Variants in C7orf78 observed in about 807,000 individuals in gnomAD.
C7orf78 encodes putative uncharacterized protein C7orf78.
chr7:12,507,288 C>T, the C7orf78 span: 1 of 113,758 alleles, frequency 8.8e-6, no homozygotes, highest in African/African-American at 3.6e-5. Context: ...AGCCTGGTGA[C>T]AGAATGAGAC....
the C7orf78 span, among the ~76,000 whole-genome samples, chr7:12,490,878 G>A: frequency 8.6e-5 from 13 of 151,924 alleles, no homozygotes; most frequent in African/African-American, 2.4e-4. Context: ...CTTCAGATTT[G>A]CATTGCTCCA....
chr7:12,515,592 G>A, the C7orf78 span, among the ~76,000 whole-genome samples: 1 of 150,370 alleles, frequency 6.7e-6, no homozygotes, highest in Non-Finnish European at 1.5e-5. Context: ...GGAGGGTTTC[G>A]AAGAAGGCAG....
At chr7:12,541,481 C>A in the C7orf78 span, 1 of 152,078 alleles carries the variant, frequency 6.6e-6, no homozygotes, top group Admixed American at 6.6e-5. Flanking sequence ...GAATTGAAGT[C>A]ACTGAAATAT....
the C7orf78 span, among the ~76,000 whole-genome samples, chr7:12,529,837 C>A: frequency 6.6e-6 from 1 of 152,210 alleles, no homozygotes; most frequent in Non-Finnish European, 1.5e-5. Flanking sequence ...AGTACAGCAG[C>A]AGAGGTACTG....
the C7orf78 span, among the ~76,000 whole-genome samples, chr7:12,532,099 G>C: frequency 6.6e-6 from 1 of 152,204 alleles, no homozygotes; most frequent in Non-Finnish European, 1.5e-5. Flanking sequence ...GGGAAGGGAA[G>C]ATGGAGCCGC....
At chr7:12,502,620 T>C in the C7orf78 span, among the ~76,000 whole-genome samples, 2 of 151,810 alleles carry the variant, frequency 1.3e-5, no homozygotes, top group African/African-American at 4.8e-5. Flanking sequence ...TAGGAACACT[T>C]TTACATTGTT....
chr7:12,489,893 G>T, the C7orf78 span, among the ~76,000 whole-genome samples: 5 of 152,124 alleles, frequency 3.3e-5, no homozygotes, highest in Admixed American at 6.6e-5. Context: ...GCTTTCAATA[G>T]CTAGTGGATG....
At chr7:12,497,377 G>A in the C7orf78 span, among the ~76,000 whole-genome samples, 22 of 152,366 alleles carry the variant, frequency 1.4e-4, no homozygotes, top group East Asian at 4.1e-3. Flanking sequence ...CACACCGTGC[G>A]CGAGCAGAAG....
At chr7:12,487,345 T>C in the C7orf78 span, among the ~76,000 whole-genome samples, 1 of 152,000 alleles carries the variant, frequency 6.6e-6, no homozygotes, top group African/African-American at 2.4e-5. Flanking sequence ...CCTATTAGAA[T>C]ACTGAAATAA....
At chr7:12,491,330 A>C in the C7orf78 span, 1 of 152,162 alleles carries the variant, frequency 6.6e-6, no homozygotes, top group Non-Finnish European at 1.5e-5. Context: ...CTTTACGTCA[A>C]AATAATTTAT....
chr7:12,532,737 GCTT>G, the C7orf78 span, among the ~76,000 whole-genome samples: 2 of 152,002 alleles, frequency 1.3e-5, no homozygotes, highest in Admixed American at 6.6e-5. Flanking sequence ...TCAAAACTAT[GCTT>G]TTTTTGCATA....
chr7:12,486,241 C>A, the C7orf78 span, among the ~76,000 whole-genome samples: 1 of 152,022 alleles, frequency 6.6e-6, no homozygotes, highest in South Asian at 2.1e-4. Context: ...TGTAATAGAA[C>A]TCCATTCCAT....
chr7:12,518,175 G>C, the C7orf78 span, among the ~76,000 whole-genome samples: 1 of 152,180 alleles, frequency 6.6e-6, no homozygotes, highest in African/African-American at 2.4e-5. Flanking sequence ...GTGGCTTAGG[G>C]TCATTAGTGG....
the C7orf78 span, among the ~76,000 whole-genome samples, chr7:12,534,466 A>G: frequency 6.6e-6 from 1 of 152,362 alleles, no homozygotes; most frequent in African/African-American, 2.4e-5. Context: ...ATCTATAAAG[A>G]AAAAATTATT....
chr7:12,515,571 T>C, the C7orf78 span, among the ~76,000 whole-genome samples: 11 of 152,284 alleles, frequency 7.2e-5, no homozygotes, highest in East Asian at 2.1e-3. Flanking sequence ...AGGCAGAGGC[T>C]GGAACGGTTT....
At chr7:12,484,594 G>A in the C7orf78 span, among the ~76,000 whole-genome samples, 35 of 151,938 alleles carry the variant, frequency 2.3e-4, no homozygotes, top group African/African-American at 5.8e-4. Flanking sequence ...AATGTATAAC[G>A]TATACATTTA....
the C7orf78 span, among the ~76,000 whole-genome samples, chr7:12,493,059 C>T: frequency 1.1e-4 from 17 of 152,166 alleles, no homozygotes; most frequent in Non-Finnish European, 2.1e-4. Flanking sequence ...AAAAACTAGC[C>T]AGACATGGTG....
chr7:12,529,167 G>C, the C7orf78 span: 427 of 394,500 alleles, frequency 1.1e-3, no homozygotes, highest in Non-Finnish European at 1.4e-3. Flanking sequence ...TAAAAATAAA[G>C]CATATAGCCG....
chr7:12,502,443 A>C, the C7orf78 span, among the ~76,000 whole-genome samples: 2 of 151,986 alleles, frequency 1.3e-5, no homozygotes, highest in East Asian at 1.9e-4. Flanking sequence ...GACACTTCTC[A>C]AAAGAAGACA....
Sources: allele counts gnomAD v4.1 joint callset (sites outside exome capture counted in the v4.1 genomes callset), GRCh38; gene constraint gnomAD v4.1.1; transcripts MANE v1.5; gene names NCBI Gene and HGNC (gene_info 2026-07-23, HGNC 2026-07-21).